Variants in MICAL3 observed in about 807,000 individuals in gnomAD.
MICAL3 encodes [F-actin]-monooxygenase MICAL3.
A neutral mutation model predicts 207.4 loss-of-function variants in MICAL3; 62 were observed. The observed-to-expected ratio is 0.30, with a 90% CI of 0.24 to 0.37. The LOEUF (loss-of-function observed/expected upper bound fraction) is 0.37, where lower values mean the gene tolerates loss of function less well. MICAL3 is among the 10% of genes least tolerant of loss of function. MICAL3 has a pLI of 1.00. For synonymous variants in MICAL3, 1,077 were observed against 1,069.3 expected (o/e 1.01, Z -0.14); for missense variants, 2,368 against 2,635.6 (o/e 0.90, Z 2.22).
chr22:17,895,707 A>G (rs537067497), intron 9 of MICAL3, among the ~76,000 whole-genome samples: 12 of 152,204 alleles, frequency 7.9e-5, no homozygotes, highest in African/African-American at 2.6e-4. Flanking sequence ...TTTTTCAAGC[A>G]TCCCAATATT....
At chr22:17,875,831 C>T (rs748309683) in intron 16 of MICAL3, among the ~76,000 whole-genome samples, 3 of 152,194 alleles carry the variant, frequency 2.0e-5, no homozygotes, top group Non-Finnish European at 2.9e-5. Flanking sequence ...GGCACAGCCT[C>T]GGCCTCCCTC....
intron 1 of MICAL3, among the ~76,000 whole-genome samples, chr22:17,960,053 C>T (rs1212712020): frequency 6.6e-6 from 1 of 152,222 alleles, no homozygotes; most frequent in African/African-American, 2.4e-5. Flanking sequence ...CTCTCTCAGC[C>T]TCATGGGGAC....
chr22:17,911,197 GT>G (rs1230940141), intron 1 of MICAL3, among the ~76,000 whole-genome samples: 1 of 152,190 alleles, frequency 6.6e-6, no homozygotes, highest in East Asian at 1.9e-4. Context: ...GCAGGACATG[GT>G]TATGTTTCTA....
intron 27 of MICAL3, chr22:17,812,656 TAGA>T (rs1569075312): frequency 1.9e-6 from 1 of 515,082 alleles, no homozygotes; most frequent in Non-Finnish European, 2.5e-6. Flanking sequence ...CAAAATAAGT[TAGA>T]AGTTGAAAAC....
intron 22 of MICAL3, among the ~76,000 whole-genome samples, chr22:17,825,256 A>G (rs1435419084): frequency 6.6e-6 from 1 of 152,124 alleles, no homozygotes; most frequent in Non-Finnish European, 1.5e-5. Flanking sequence ...AAATCGTCAC[A>G]GATAAAAAAA....
chr22:17,972,015 G>A lies in MICAL3; in HGVS notation c.-75+52266C>T, dbSNP rs116868470. ...ACAAGGCCAGGCAAGGCCTCTTAAC[G>A]AATCTGGATGCAAGGACCTTGCTTT... On this transcript the variant is annotated intron_variant, in intron 1 of 31. Coordinates refer to ENST00000441493, the MANE Select transcript of MICAL3 (RefSeq NM_015241.3). Among the ~76,000 whole-genome samples, 1,012 of 152,342 alleles carry A rather than the reference G, an allele frequency of 6.6e-3. 5 individuals carry two copies. The highest frequency in any genetic ancestry group is 0.01 in the Non-Finnish European group (695 of 68,034).
At chr22:17,854,791 G>A (rs1925725162) in intron 19 of MICAL3, among the ~76,000 whole-genome samples, 1 of 152,210 alleles carries the variant, frequency 6.6e-6, no homozygotes, top group Non-Finnish European at 1.5e-5. Context: ...AATTAAAGGA[G>A]ACCACCAGAG....
intron 16 of MICAL3, among the ~76,000 whole-genome samples, chr22:17,878,305 A>G (rs1186960301): frequency 6.6e-6 from 1 of 152,232 alleles, no homozygotes; most frequent in Non-Finnish European, 1.5e-5. Flanking sequence ...AGAGAGAAAG[A>G]GGCTGGGCAC....
chr22:18,023,124 G>T (rs948739569), intron 1 of MICAL3, among the ~76,000 whole-genome samples: 1 of 151,914 alleles, frequency 6.6e-6, no homozygotes, highest in East Asian at 1.9e-4. Flanking sequence ...CTGGAAAAAT[G>T]TCACCCTGAT....
chr22:17,873,937 G>A (rs1927985584), intron 16 of MICAL3, among the ~76,000 whole-genome samples: 1 of 152,202 alleles, frequency 6.6e-6, no homozygotes, highest in Non-Finnish European at 1.5e-5. Flanking sequence ...GGGGGAACCT[G>A]ACCCTAATTC....
At position 17,864,643 on chromosome 22, in the gene MICAL3, G is replaced by A. The variant is rs746403435; in HGVS notation, c.2605+256C>T. On this transcript the variant is annotated intron_variant, in intron 19 of 31. Coordinates refer to ENST00000441493, the MANE Select transcript of MICAL3 (RefSeq NM_015241.3). ...GCACTTCACGGCTCTGCCGCCCACC[G>A]GACGGCCCCATCACTGGGCCACAGC... is the stretch of plus-strand genomic sequence containing the variant. 32 of 1,589,312 alleles carry A rather than the reference G, an allele frequency of 2.0e-5. 1 individual carries two copies. Among genetic ancestry groups the A allele is most frequent in the Admixed American group, 1.9e-4 (11 of 58,326 alleles).
At chr22:18,016,930 ACT>A (rs1435385633) in intron 1 of MICAL3, among the ~76,000 whole-genome samples, 2 of 147,338 alleles carry the variant, frequency 1.4e-5, no homozygotes, top group African/African-American at 4.9e-5. Context: ...ACAGAGCCAG[ACT>A]CTGTCTCAAA....
intron 16 of MICAL3, among the ~76,000 whole-genome samples, chr22:17,873,789 C>T (rs528226008): frequency 1.7e-4 from 26 of 152,392 alleles, no homozygotes; most frequent in East Asian, 9.6e-4. Flanking sequence ...CAGGCAGCCC[C>T]GCCTTGACCT....
At chr22:17,853,279 C>A (rs770226186) in intron 19 of MICAL3, among the ~76,000 whole-genome samples, 1 of 152,132 alleles carries the variant, frequency 6.6e-6, no homozygotes, top group Non-Finnish European at 1.5e-5. Context: ...ACAGCTGGCA[C>A]GCAACGAAGG....
intron 16 of MICAL3, among the ~76,000 whole-genome samples, chr22:17,874,764 G>A (rs1320314610): frequency 1.3e-5 from 2 of 152,052 alleles, no homozygotes; most frequent in Non-Finnish European, 2.9e-5. Context: ...CCAGGCATGG[G>A]AAATACCAGT....
In MICAL3 at chr22:17,889,041, G is replaced by C. The variant is rs780026075; in HGVS notation, c.1884C>G (p.Pro628=). The C allele has an allele frequency of 6.2e-7, 1 of 1,602,450 alleles. No homozygotes were observed. The highest frequency in any genetic ancestry group is 8.5e-7 in the Non-Finnish European group (1 of 1,170,714). Reference sequence around the variant, plus strand: ...GCTCCTTCCAGGCCTTACCGCTAGAGGGGAGGGAGTCCTTAAACATCTCGT... The same window carrying C: ...GCTCCTTCCAGGCCTTACCGCTAGACGGGAGGGAGTCCTTAAACATCTCGT... ...QFYEMFKDSL[P]SSDTLDLNAE... The change falls in exon 13 of 32, where the codon CCC becomes CCG. Residue 628 remains proline (P), a synonymous_variant. Coordinates refer to ENST00000441493, the MANE Select transcript of MICAL3 (RefSeq NM_015241.3).
intron 1 of MICAL3, among the ~76,000 whole-genome samples, chr22:17,985,321 T>C (rs418930): frequency 0.27 from 41,522 of 151,786 alleles, 5,982 homozygotes; most frequent in East Asian, 0.51. Flanking sequence ...TCTTTCAGTA[T>C]TCACCTTGAC....
At position 17,810,249 on chromosome 22, in the gene MICAL3, A is replaced by G. The variant is rs1188758332; in HGVS notation, c.5556+454T>C. Among the ~76,000 whole-genome samples the G allele has an allele frequency of 4.0e-5, 6 of 151,352 alleles. No individual in the cohort carries two copies. In the South Asian group the frequency reaches 6.3e-4, roughly 16 times the overall value. On this transcript the variant is annotated intron_variant, in intron 28 of 31. Transcript: ENST00000441493. ...GGCTAATTTTTTGTATTTTTAGTAG[A>G]GACGGGGGTTTCACCGTGTTAGCCA...
At chr22:17,865,101 A>G in intron 18 of MICAL3, 115 bp from the exon 19 acceptor site, 1 of 628,218 alleles carries the variant, frequency 1.6e-6, no homozygotes, top group Non-Finnish European at 2.1e-6. Context: ...TTATTTATTT[A>G]TTTATTTATT....
Sources: gnomAD v4.1 joint callset for allele counts (sites outside exome capture counted in the v4.1 genomes callset) on GRCh38, gnomAD v4.1.1 for gene constraint, MANE v1.5 for transcripts, NCBI Gene and HGNC (gene_info 2026-07-23, HGNC 2026-07-21) for gene names.